The following SDK1 variants were observed in gnomAD, a reference collection of about 807,000 sequenced individuals.
SDK1 encodes the protein sidekick cell adhesion molecule 1, also known as protein sidekick-1.
In SDK1, 157 loss-of-function variants were observed where a neutral mutation model predicts 245.5. The observed-to-expected ratio is 0.64, with a 90% CI of 0.56 to 0.73. The LOEUF (loss-of-function observed/expected upper bound fraction) is 0.73, where lower values mean the gene tolerates loss of function less well. SDK1 is among the 30% of genes least tolerant of loss of function. The pLI is 0.00. For missense variants in SDK1, 3,583 were observed against 3,002.3 expected (o/e 1.19, Z -4.52); for synonymous variants, 1,647 against 1,278.5 (o/e 1.29, Z -6.15).
At chr7:3,504,182 ATGTGTGTGTG>A (rs56306302) in intron 1 of SDK1, among the ~76,000 whole-genome samples, 4 of 131,938 alleles carry the variant, frequency 3.0e-5, no homozygotes, top group East Asian at 2.1e-4. Context: ...ATATATATAT[ATGTGTGTGTG>A]TGTGTGTGTG....
At chr7:3,906,688 C>T (rs11971293) in intron 5 of SDK1, among the ~76,000 whole-genome samples, 25,357 of 126,754 alleles carry the variant, frequency 0.2, 2,359 homozygotes, top group Middle Eastern at 0.4. Context: ...AGTGCAGTGG[C>T]AAGATCTCGG....
chr7:4,025,663 C>A (rs1787285172), intron 17 of SDK1, among the ~76,000 whole-genome samples: 1 of 152,210 alleles, frequency 6.6e-6, no homozygotes, highest in Admixed American at 6.5e-5. Flanking sequence ...CATATCCAAG[C>A]ACAATGCCTG....
chr7:4,206,142 G>A (rs1313685577), intron 36 of SDK1, 148 bp downstream of exon 36: 1 of 604,722 alleles, frequency 1.7e-6, no homozygotes, highest in Non-Finnish European at 2.9e-6. Flanking sequence ...GCTAGACCTG[G>A]CCTGTTAACT....
At chr7:4,027,719 T>G (rs960336056) in intron 17 of SDK1, among the ~76,000 whole-genome samples, 2 of 152,186 alleles carry the variant, frequency 1.3e-5, no homozygotes, top group African/African-American at 4.8e-5. Context: ...AAGCTTTATA[T>G]TAATTTCATC....
intron 1 of SDK1, among the ~76,000 whole-genome samples, chr7:3,453,096 C>A (rs905137346): frequency 2.0e-5 from 3 of 152,162 alleles, no homozygotes; most frequent in Non-Finnish European, 4.4e-5. Flanking sequence ...TGGTACCCAT[C>A]CTGCCACTGG....
chr7:4,181,357 CG>C (rs1782593223), intron 35 of SDK1, among the ~76,000 whole-genome samples: 1 of 152,224 alleles, frequency 6.6e-6, no homozygotes, highest in Non-Finnish European at 1.5e-5. Context: ...GATGGACACT[CG>C]GGGGCCTTCC....
chr7:3,657,171 G>A lies in SDK1; in HGVS notation c.713+15066G>A, dbSNP rs142289704. Among the ~76,000 whole-genome samples, 1,085 of 152,300 alleles carry A rather than the reference G, an allele frequency of 7.1e-3. 13 individuals are homozygous for A. Among genetic ancestry groups the A allele is most frequent in the African/African-American group, 0.025 (1,031 of 41,554 alleles). On this transcript the variant is annotated intron_variant, in intron 4 of 44. Transcript: ENST00000404826. Reference sequence around the variant, plus strand: ...TGGAGGTCAAGAAGAGTCACAGGGTGTGTGTCCCACCCAGGGCATTCGTGC... The same window carrying A: ...TGGAGGTCAAGAAGAGTCACAGGGTATGTGTCCCACCCAGGGCATTCGTGC...
intron 1 of SDK1, among the ~76,000 whole-genome samples, chr7:3,506,120 C>A (rs902255832): frequency 6.6e-6 from 1 of 152,160 alleles, no homozygotes; most frequent in Non-Finnish European, 1.5e-5. Flanking sequence ...ACAACACTTT[C>A]TCTTTGCCAA....
intron 22 of SDK1, among the ~76,000 whole-genome samples, chr7:4,092,339 C>G (rs1188704028): frequency 1.3e-5 from 2 of 152,168 alleles, no homozygotes; most frequent in Non-Finnish European, 2.9e-5. Flanking sequence ...TCCCAGGACG[C>G]CTGGTTCTCA....
rs182291238 is a variant in SDK1 at position 4,035,827 on chromosome 7, C to T, written c.2603-13521C>T. ...GTATGCTATCAACTATCAACATGGC[C>T]TTGTCAAAAAAACTCTTAGGCCAAC... On this transcript the variant is annotated intron_variant, in intron 17 of 44. Coordinates refer to ENST00000404826, the MANE Select transcript of SDK1 (RefSeq NM_152744.4). Among the ~76,000 whole-genome samples the T allele has an allele frequency of 2.0e-5, 3 of 152,148 alleles. No individual in the cohort carries two copies. In the East Asian group the frequency reaches 5.8e-4, roughly 29 times the overall value.
At chr7:3,884,226 G>C (rs139408460) in intron 5 of SDK1, among the ~76,000 whole-genome samples, 2 of 152,026 alleles carry the variant, frequency 1.3e-5, no homozygotes, top group Non-Finnish European at 2.9e-5. Flanking sequence ...GATTACAGGC[G>C]TGAGCCACTG....
intron 4 of SDK1, among the ~76,000 whole-genome samples, chr7:3,799,467 G>A (rs548174225): frequency 4.6e-5 from 7 of 151,802 alleles, no homozygotes; most frequent in Non-Finnish European, 1.0e-4. Context: ...CACTTTGGGA[G>A]GCCGAGGCAG....
At chr7:3,377,702 A>G (rs535556798) in intron 1 of SDK1, among the ~76,000 whole-genome samples, 2 of 152,142 alleles carry the variant, frequency 1.3e-5, no homozygotes, top group Admixed American at 1.3e-4. Flanking sequence ...ACTGCCACAC[A>G]CAGGGCAGGG....
intron 4 of SDK1, among the ~76,000 whole-genome samples, chr7:3,786,394 G>C (rs1678043602): frequency 6.6e-6 from 1 of 152,160 alleles, no homozygotes; most frequent in South Asian, 2.1e-4. Flanking sequence ...GCATTTTGTA[G>C]CTTTTCTCCT....
intron 32 of SDK1, among the ~76,000 whole-genome samples, 158 bp from the exon 33 acceptor site, chr7:4,174,064 C>T (rs1236833171): frequency 2.6e-5 from 4 of 152,198 alleles, no homozygotes; most frequent in African/African-American, 9.7e-5. Flanking sequence ...GCCCTGGGAG[C>T]TGCCTGGGTT....
At chr7:4,059,508 C>A (rs1388389332) in intron 19 of SDK1, among the ~76,000 whole-genome samples, 2 of 152,088 alleles carry the variant, frequency 1.3e-5, no homozygotes, top group African/African-American at 4.8e-5. Flanking sequence ...ACTTTAACAT[C>A]CCCCTCTCAG....
chr7:3,585,422 C>T (rs1176063094), intron 1 of SDK1, among the ~76,000 whole-genome samples: 1 of 152,144 alleles, frequency 6.6e-6, no homozygotes, highest in Non-Finnish European at 1.5e-5. Flanking sequence ...AGCGTATAGG[C>T]TGCATAAGTT....
intron 1 of SDK1, among the ~76,000 whole-genome samples, chr7:3,377,029 C>A (rs539946831): frequency 6.6e-6 from 1 of 152,114 alleles, no homozygotes; most frequent in African/African-American, 2.4e-5. Flanking sequence ...ATTCTGAAAT[C>A]GATTCTAACA....
At chr7:4,235,102 A>G (rs1339341659) in intron 41 of SDK1, among the ~76,000 whole-genome samples, 1 of 152,130 alleles carries the variant, frequency 6.6e-6, no homozygotes, top group Non-Finnish European at 1.5e-5. Context: ...CTGGCCTGGG[A>G]ACATCCTTGA....
Sources: allele counts gnomAD v4.1 joint callset (sites outside exome capture counted in the v4.1 genomes callset), GRCh38; gene constraint gnomAD v4.1.1; transcripts MANE v1.5; gene names NCBI Gene and HGNC (gene_info 2026-07-23, HGNC 2026-07-21).